The following NLGN3 variants were observed in gnomAD, a reference collection of about 807,000 sequenced individuals.
NLGN3 encodes the protein neuroligin-3.
Under a neutral mutation model 42.9 loss-of-function variants are expected in NLGN3, and 11 were observed. The observed-to-expected ratio is 0.26, with a 90% CI of 0.16 to 0.42. The LOEUF (loss-of-function observed/expected upper bound fraction) is 0.42, where lower values mean the gene tolerates loss of function less well. Among genes scored for constraint, NLGN3 ranks in the 10% least tolerant of loss-of-function variants. NLGN3 has a pLI of 1.00. For synonymous variants in NLGN3, 279 were observed against 312.7 expected (o/e 0.89, Z 1.14); for missense variants, 374 against 733.8 (o/e 0.51, Z 5.67).
chrX:71,172,683 G>A (rs778176889), downstream of NLGN3, among the ~76,000 whole-genome samples: 1 of 109,595 alleles, frequency 9.1e-6, no homozygotes, highest in East Asian at 2.9e-4. Flanking sequence ...AAGCTGATGA[G>A]GTAACATTCA....
At chrX:71,168,869 G>GAAAA (rs375278513) in intron 7 of NLGN3, among the ~76,000 whole-genome samples, 1 of 71,368 alleles carries the variant, frequency 1.4e-5, no homozygotes. Context: ...AAGAAAGAAA[G>GAAAA]AGAAAGAAAA....
chrX:71,155,036 G>C (rs2092403701), intron 4 of NLGN3, among the ~76,000 whole-genome samples, 178 bp from the exon 5 acceptor site: 1 of 112,787 alleles, frequency 8.9e-6, no homozygotes, highest in African/African-American at 3.2e-5. Flanking sequence ...AAGCCCCACT[G>C]TCTCGGGCTG....
intron 3 of NLGN3, among the ~76,000 whole-genome samples, chrX:71,152,324 GTC>G (rs2092394067): frequency 9.1e-6 from 1 of 110,453 alleles, no homozygotes; most frequent in Non-Finnish European, 1.9e-5. Context: ...CTCACCTCTA[GTC>G]TCTTCTTTTT....
downstream of NLGN3, among the ~76,000 whole-genome samples, chrX:71,174,579 G>A (rs1398275900): frequency 9.0e-6 from 1 of 111,728 alleles, no homozygotes; most frequent in Non-Finnish European, 1.9e-5. Context: ...TGCCCCACTG[G>A]GTTCATTTCC....
intron 3 of NLGN3, among the ~76,000 whole-genome samples, chrX:71,150,701 CAAAAAA>C (rs1174331159): frequency 2.1e-4 from 6 of 29,216 alleles, no homozygotes; most frequent in African/African-American, 7.7e-4. Flanking sequence ...GACTCCATCT[CAAAAAA>C]AAAAAAAAAA....
chrX:71,170,518 G>A lies in NLGN3; in HGVS notation c.*421G>A. 1 of 824,006 alleles carries A rather than the reference G, an allele frequency of 1.2e-6. No homozygotes were observed. The highest frequency in any genetic ancestry group is 2.1e-5 in the African/African-American group (1 of 46,559). 67.9% of individuals were successfully genotyped at this position (824,006 alleles called of 1,213,427 possible). ...CCAGACTTGGGAGCTTTAAAGAGCA[G>A]GATAGCTCTTCCTCCCCAGGACTTG... On this transcript the variant is annotated 3_prime_UTR_variant, in exon 8 of 8. Transcript: ENST00000358741.
At chrX:71,155,134 C>T (rs763797844) in intron 4 of NLGN3, 80 bp from the exon 5 acceptor site, 5 of 1,135,881 alleles carry the variant, frequency 4.4e-6, no homozygotes, top group South Asian at 1.9e-5. Flanking sequence ...CTTTGCTGCC[C>T]GCACCCACCC....
In NLGN3 at chrX:71,170,187, A is replaced by G; in HGVS notation, c.*90A>G. ...CACACACACACACACACGCAGACAC[A>G]CACACACACACACATATATGTATAC... is the stretch of plus-strand genomic sequence containing the variant. On this transcript the variant is annotated 3_prime_UTR_variant, in exon 8 of 8. Transcript: ENST00000358741. 2 of 1,178,774 alleles carry G rather than the reference A, an allele frequency of 1.7e-6. No homozygotes were observed. The highest frequency in any genetic ancestry group is 1.1e-6 in the Non-Finnish European group (1 of 883,032).
chrX:71,171,084 T>C lies in NLGN3; in HGVS notation c.*987T>C. 1 of 753,563 alleles carries C rather than the reference T, an allele frequency of 1.3e-6. No homozygotes were observed. Among genetic ancestry groups the C allele is most frequent in the Non-Finnish European group, 1.6e-6 (1 of 638,895 alleles). The allele number at this position is 753,563 out of a possible 1,213,427, so 62.1% of individuals were successfully genotyped here. A position where few individuals can be genotyped will look rare whatever the true frequency, so the allele number is the denominator to read the frequency against. On this transcript the variant is annotated 3_prime_UTR_variant, in exon 8 of 8. Transcript: ENST00000358741. The stretch of plus-strand genomic sequence containing the variant: ...TGTTTTTTGTTGTTGTTGGTTTTTT[T>C]TTTTTTTTAAAGAAAAGTTCTTAAA...
At chrX:71,154,388 G>A (rs2092401246) in intron 4 of NLGN3, among the ~76,000 whole-genome samples, 2 of 112,909 alleles carry the variant, frequency 1.8e-5, no homozygotes, top group South Asian at 7.2e-4. Context: ...ACAGGCTACA[G>A]GCAGAGGTGA....
In NLGN3 at chrX:71,169,399, C is replaced by T. The variant is rs878853147; in HGVS notation, c.1849C>T (p.Arg617Trp). 8.3e-7 allele frequency: 1 copy of T among 1,206,965 alleles called. No homozygotes were observed. The highest frequency in any genetic ancestry group is 1.1e-6 in the Non-Finnish European group (1 of 892,935). Residue 617 changes from arginine (R) to tryptophan (W), a missense_variant, in exon 8 of 8, where the codon CGG (arginine) becomes TGG (tryptophan). Arg to Trp is a moderately radical substitution (Grantham distance 101). Transcript: ENST00000358741. ...GAAACCAAGGGTCCGAGATCATTACCGGGCCACTAAGGTGGCCTTTTGGAA... is the reference window on the plus strand; with the variant it reads ...GAAACCAAGGGTCCGAGATCATTACTGGGCCACTAAGGTGGCCTTTTGGAA... ...GLKPRVRDHY[R>W]ATKVAFWKHL... is the part of the protein sequence containing the mutation.
chrX:71,155,405 G>GC (rs779138616), intron 5 of NLGN3, 42 bp downstream of exon 5: 3 of 1,193,415 alleles, frequency 2.5e-6, no homozygotes, highest in Middle Eastern at 2.3e-4. Flanking sequence ...GACTGGCTTC[G>GC]CAAGGGGGGA....
rs1353503730 is a variant in NLGN3 at position 71,167,255 on chromosome X, C to A, written c.1158C>A (p.Asp386Glu). ...PVIDGDVIPD[D>E]PEILMEQGEF... is the part of the protein sequence containing the mutation. ...TTGATGGTGATGTCATTCCTGATGA[C>A]CCTGAGATCCTCATGGAGCAGGGCG... Residue 386 changes from aspartate (D) to glutamate (E), a missense_variant, in exon 7 of 8, where the codon GAC becomes GAA. Asp to Glu is a conservative substitution (Grantham distance 45, BLOSUM62 2). Around this residue, in one of 6 missense-constraint regions of NLGN3, gnomAD observed 142 missense variants for 359.1 expected, o/e 0.40. Transcript: ENST00000358741. The A allele has an allele frequency of 8.3e-7, 1 of 1,211,670 alleles. No individual in the cohort carries two copies. Among genetic ancestry groups the A allele is most frequent in the Admixed American group, 2.2e-5 (1 of 46,054 alleles).
At chrX:71,152,595 C>T (rs1488922689) in intron 3 of NLGN3, among the ~76,000 whole-genome samples, 1 of 112,032 alleles carries the variant, frequency 8.9e-6, no homozygotes, top group African/African-American at 3.2e-5. Flanking sequence ...TAGGACCTAT[C>T]TCACTGGGGT....
At chrX:71,148,242 C>T (rs760662324) in intron 2 of NLGN3, 36 bp downstream of exon 2, 1 of 1,069,138 alleles carries the variant, frequency 9.4e-7, no homozygotes, top group Non-Finnish European at 1.3e-6. Flanking sequence ...CCCTCCCTGC[C>T]TCCCGCCTGC....
intron 6 of NLGN3, 110 bp downstream of exon 6, chrX:71,164,438 C>T: frequency 1.3e-6 from 1 of 753,461 alleles, no homozygotes; most frequent in Non-Finnish European, 1.9e-6. Flanking sequence ...CTTCTACCAG[C>T]TTGGTATCCC....
intron 4 of NLGN3, 99 bp from the exon 5 acceptor site, chrX:71,155,115 C>T: frequency 1.0e-6 from 1 of 1,003,246 alleles, no homozygotes; most frequent in Non-Finnish European, 1.4e-6. Flanking sequence ...GTCCTGGCAC[C>T]TGGGATAGCT....
intron 5 of NLGN3, among the ~76,000 whole-genome samples, chrX:71,156,336 CAA>C (rs2092408933): frequency 9.2e-6 from 1 of 108,119 alleles, no homozygotes; most frequent in Middle Eastern, 4.3e-3. Flanking sequence ...GAAACACAAA[CAA>C]ATATTCCCCT....
intron 5 of NLGN3, 135 bp downstream of exon 5, chrX:71,155,498 C>T (rs2092405657): frequency 6.1e-6 from 5 of 824,117 alleles, no homozygotes; most frequent in Non-Finnish European, 9.0e-6. Context: ...TGGTGTTATC[C>T]TCTGGCCCCT....
Sources: gnomAD v4.1 joint callset for allele counts (sites outside exome capture counted in the v4.1 genomes callset) on GRCh38, gnomAD v4.1.1 for gene constraint, gnomAD v4.1.1 regional missense constraint, MANE v1.5 for transcripts, NCBI Gene and HGNC (gene_info 2026-07-23, HGNC 2026-07-21) for gene names.